The following DSCAM variants were observed in gnomAD, a reference collection of about 807,000 sequenced individuals.
DSCAM encodes the protein DS cell adhesion molecule, also known as cell adhesion molecule DSCAM.
DSCAM carries 47 observed loss-of-function variants against 217.7 expected under a neutral mutation model. The observed-to-expected ratio is 0.22, with a 90% confidence interval of 0.17 to 0.28. The LOEUF is 0.28. Ranked by LOEUF, DSCAM falls within the 10% of genes least tolerant of loss-of-function variation. The pLI is 1.00. For missense variants in DSCAM, 2,080 were observed against 2,618.3 expected (o/e 0.79, Z 4.49); for synonymous variants, 1,056 against 1,015.3 (o/e 1.04, Z -0.76).
intron 11 of DSCAM, among the ~76,000 whole-genome samples, chr21:40,242,163 T>A (rs994195424): frequency 1.7e-4 from 26 of 151,982 alleles, no homozygotes; most frequent in East Asian, 9.6e-4. Context: ...TTTTTTTTTT[T>A]TTAAAAGAAA....
intron 12 of DSCAM, among the ~76,000 whole-genome samples, chr21:40,188,709 A>G (rs1031603085): frequency 6.6e-6 from 1 of 152,120 alleles, no homozygotes; most frequent in African/African-American, 2.4e-5. Flanking sequence ...TTCTTTTTGC[A>G]GGAAGTTAAA....
At chr21:40,819,134 A>G (rs1211884672) in intron 1 of DSCAM, among the ~76,000 whole-genome samples, 1 of 152,242 alleles carries the variant, frequency 6.6e-6, no homozygotes, top group African/African-American at 2.4e-5. Flanking sequence ...ACTGAGGAAA[A>G]ACACGGAACA....
intron 3 of DSCAM, among the ~76,000 whole-genome samples, chr21:40,657,619 T>A (rs1040263927): frequency 6.6e-6 from 1 of 152,316 alleles, no homozygotes; most frequent in East Asian, 1.9e-4. Flanking sequence ...TGACCACTAT[T>A]TTCTGGAAAT....
intron 1 of DSCAM, among the ~76,000 whole-genome samples, chr21:40,727,080 T>C (rs1190386721): frequency 6.6e-6 from 1 of 152,126 alleles, no homozygotes. Flanking sequence ...GGCATTCTGT[T>C]ACAAACAACA....
intron 3 of DSCAM, among the ~76,000 whole-genome samples, chr21:40,442,967 A>T (rs1296536531): frequency 6.6e-6 from 1 of 152,216 alleles, no homozygotes; most frequent in Non-Finnish European, 1.5e-5. Context: ...AAGCATACAA[A>T]ATAGCAGAGG....
intron 3 of DSCAM, among the ~76,000 whole-genome samples, chr21:40,482,467 T>TA (rs2075991433): frequency 6.6e-5 from 10 of 152,210 alleles, no homozygotes; most frequent in Admixed American, 5.9e-4. Context: ...TTTTTATTTT[T>TA]TAATATAGAG....
chr21:40,142,532 C>A (rs1211069550), intron 18 of DSCAM, 26 bp downstream of exon 18: 1 of 1,611,382 alleles, frequency 6.2e-7, no homozygotes, highest in African/African-American at 1.3e-5. Context: ...GGAGGCAAAC[C>A]CAAAGTCCTA....
At chr21:40,802,596 G>A (rs543202442) in intron 1 of DSCAM, among the ~76,000 whole-genome samples, 2 of 152,302 alleles carry the variant, frequency 1.3e-5, no homozygotes, top group South Asian at 2.1e-4. Flanking sequence ...TTGGTCATGA[G>A]GGCATAGCCC....
At chr21:40,158,040 GA>G (rs1046222331) in intron 16 of DSCAM, among the ~76,000 whole-genome samples, 1 of 152,196 alleles carries the variant, frequency 6.6e-6, no homozygotes, top group Non-Finnish European at 1.5e-5. Flanking sequence ...TGACTAAAGA[GA>G]ATTTTAGACA....
intron 11 of DSCAM, among the ~76,000 whole-genome samples, chr21:40,238,326 T>C (rs1475047716): frequency 6.6e-6 from 1 of 152,212 alleles, no homozygotes; most frequent in African/African-American, 2.4e-5. Flanking sequence ...GATGTGGCAC[T>C]CCAGGTGGAG....
intron 3 of DSCAM, among the ~76,000 whole-genome samples, chr21:40,534,374 T>C (rs1407193995): frequency 6.6e-6 from 1 of 152,336 alleles, no homozygotes; most frequent in Middle Eastern, 3.4e-3. Context: ...TTTGTGACAG[T>C]TCAGAAGCAA....
chr21:40,357,613 G>A (rs2123662465), intron 4 of DSCAM, among the ~76,000 whole-genome samples: 1 of 152,134 alleles, frequency 6.6e-6, no homozygotes, highest in South Asian at 2.1e-4. Flanking sequence ...GTATTACTTG[G>A]GGTAAGCTTC....
rs561660176 is a variant in DSCAM at position 40,399,925 on chromosome 21, C to T, written c.509-30680G>A. Reference sequence around the variant, plus strand: ...AATGTTGCTGCTTTTTTCTCCTGTCCCTGGATTTCCCAGTTCCAGGGAACA... The same window carrying T: ...AATGTTGCTGCTTTTTTCTCCTGTCTCTGGATTTCCCAGTTCCAGGGAACA... On this transcript the variant is annotated intron_variant, in intron 3 of 32. Coordinates refer to ENST00000400454, the MANE Select transcript of DSCAM (RefSeq NM_001389.5). Among the ~76,000 whole-genome samples, 11 of 152,154 alleles carry T rather than the reference C, an allele frequency of 7.2e-5. 1 individual carries two copies. Among genetic ancestry groups the T allele is most frequent in the African/African-American group, 2.4e-4 (10 of 41,504 alleles).
chr21:40,845,540 CCTCTCTCTCTCT>C lies in DSCAM; in HGVS notation c.43+1067_43+1078del, dbSNP rs71332310. Among the ~76,000 whole-genome samples the C allele has an allele frequency of 1.5e-4, 21 of 138,986 alleles. No individual in the cohort carries two copies. The East Asian group carries it at 2.1e-3, about 14-fold the overall frequency. The allele number at this position is 138,986 out of a possible 152,430, so 91.2% of individuals were successfully genotyped here. On this transcript the variant is annotated intron_variant, in intron 1 of 32. Transcript: ENST00000400454. ...CTCTTCTTTTACCTTCTCTTCTTCT[CCTCTCTCTCTCT>C]CTCTCTCTCTCTCTCTCTGTCTCTG... is the stretch of plus-strand genomic sequence containing the variant.
At chr21:40,020,543 G>A (rs2088246591) in intron 32 of DSCAM, among the ~76,000 whole-genome samples, 1 of 151,700 alleles carries the variant, frequency 6.6e-6, no homozygotes, top group Non-Finnish European at 1.5e-5. Flanking sequence ...GAGAGAGAGA[G>A]AGAGGAGAGA....
chr21:40,317,440 AC>A (rs1260827954), intron 8 of DSCAM, among the ~76,000 whole-genome samples: 2 of 152,128 alleles, frequency 1.3e-5, no homozygotes, highest in Non-Finnish European at 2.9e-5. Flanking sequence ...AAGTAGAGTG[AC>A]CCAGGAGGGC....
chr21:40,035,336 G>A, intron 32 of DSCAM, among the ~76,000 whole-genome samples: 1 of 96,944 alleles, frequency 1.0e-5, no homozygotes, highest in Non-Finnish European at 2.0e-5. Flanking sequence ...CAAGCAAATG[G>A]AAAACAAAAA....
intron 4 of DSCAM, among the ~76,000 whole-genome samples, chr21:40,356,388 G>GAGATAT (rs139136905): frequency 2.0e-4 from 29 of 147,308 alleles, no homozygotes; most frequent in Non-Finnish European, 1.2e-4. Context: ...GCTTGATAGT[G>GAGATAT]ATATATATAT....
intron 32 of DSCAM, among the ~76,000 whole-genome samples, chr21:40,035,295 G>A (rs1354058286): frequency 1.0e-5 from 1 of 96,802 alleles, no homozygotes; most frequent in Non-Finnish European, 2.0e-5. Flanking sequence ...ACACACATAG[G>A]CTCAAAATAA....
Sources: allele counts gnomAD v4.1 joint callset (sites outside exome capture counted in the v4.1 genomes callset), GRCh38; gene constraint gnomAD v4.1.1; transcripts MANE v1.5; gene names NCBI Gene and HGNC (gene_info 2026-07-23, HGNC 2026-07-21).